CIMIP2A: variants seen among roughly 807,000 people sequenced by gnomAD.
The protein encoded by CIMIP2A is ciliary microtubule inner protein 2A.
chr9:137,245,560 G>A, the CIMIP2A span: 1 of 1,613,594 alleles, frequency 6.2e-7, no homozygotes, highest in Admixed American at 1.7e-5. Flanking sequence ...CTTCAGACCT[G>A]TACCAACAGG....
chr9:137,252,983 G>C, the CIMIP2A span: 40 of 1,584,394 alleles, frequency 2.5e-5, 2 homozygotes, highest in South Asian at 4.6e-4. Flanking sequence ...GGCCTGGAGA[G>C]AAGAGGGCTA....
chr9:137,247,832 T>G, the CIMIP2A span: 2 of 1,006,978 alleles, frequency 2.0e-6, no homozygotes, highest in African/African-American at 3.2e-5. Context: ...GGGCACCTCC[T>G]GGGCCAGGCC....
the CIMIP2A span, among the ~76,000 whole-genome samples, chr9:137,248,664 T>G: frequency 6.6e-6 from 1 of 151,120 alleles, no homozygotes; most frequent in African/African-American, 2.4e-5. Context: ...AGCCTAGGAG[T>G]TCAGGCCAGC....
the CIMIP2A span, chr9:137,252,965 T>C: frequency 6.3e-6 from 10 of 1,592,706 alleles, no homozygotes; most frequent in African/African-American, 1.4e-5. Flanking sequence ...GCTCAGCACC[T>C]GTAAGGAGGC....
chr9:137,250,743 A>C, the CIMIP2A span: 2 of 160,474 alleles, frequency 1.2e-5, no homozygotes, highest in Non-Finnish European at 2.8e-5. Flanking sequence ...GCTGGGCTCC[A>C]AGGCCCGGCC....
the CIMIP2A span, among the ~76,000 whole-genome samples, chr9:137,246,585 A>G: frequency 6.6e-6 from 1 of 151,998 alleles, no homozygotes; most frequent in African/African-American, 2.4e-5. Context: ...AACATGGTGA[A>G]ACCCTGTCTC....
the CIMIP2A span, chr9:137,252,394 G>C: frequency 1.2e-5 from 19 of 1,579,972 alleles, no homozygotes; most frequent in African/African-American, 1.9e-4. Flanking sequence ...CTGTCACCTG[G>C]GTGGGGCTCC....
the CIMIP2A span, chr9:137,251,441 G>A: frequency 1.0e-5 from 15 of 1,451,012 alleles, no homozygotes; most frequent in East Asian, 2.9e-4. Context: ...GCTGGGAGTG[G>A]CCAGGGGGCT....
the CIMIP2A span, chr9:137,243,780 C>T: frequency 3.1e-6 from 5 of 1,613,888 alleles, no homozygotes; most frequent in African/African-American, 2.7e-5. Flanking sequence ...GCGTAGTTGT[C>T]CTGCATGGCT....
the CIMIP2A span, among the ~76,000 whole-genome samples, chr9:137,254,194 G>A: frequency 6.6e-6 from 1 of 152,266 alleles, no homozygotes; most frequent in African/African-American, 2.4e-5. Context: ...AGCTGCTTCT[G>A]TGGCCTCAGC....
the CIMIP2A span, among the ~76,000 whole-genome samples, chr9:137,246,583 G>A: frequency 3.3e-5 from 5 of 152,210 alleles, 1 homozygote; most frequent in South Asian, 1.0e-3. Context: ...CCAACATGGT[G>A]AAACCCTGTC....
the CIMIP2A span, chr9:137,252,035 G>A: frequency 1.2e-6 from 2 of 1,612,734 alleles, no homozygotes; most frequent in Admixed American, 3.3e-5. Context: ...CAGCTGACCT[G>A]GAAGTCCCCA....
At chr9:137,252,897 T>C in the CIMIP2A span, 3 of 1,597,388 alleles carry the variant, frequency 1.9e-6, no homozygotes, top group South Asian at 1.1e-5. Flanking sequence ...GGGAGCCGCC[T>C]GCAGAGCCCC....
At chr9:137,248,087 G>A in the CIMIP2A span, among the ~76,000 whole-genome samples, 1 of 152,242 alleles carries the variant, frequency 6.6e-6, no homozygotes, top group Non-Finnish European at 1.5e-5. Context: ...CTGACAGGAG[G>A]CCTTGCAGCT....
chr9:137,247,833 G>A, the CIMIP2A span: 8 of 996,864 alleles, frequency 8.0e-6, no homozygotes, highest in African/African-American at 1.3e-4. Context: ...GGCACCTCCT[G>A]GGCCAGGCCA....
the CIMIP2A span, chr9:137,251,405 C>A: frequency 1.9e-6 from 3 of 1,568,862 alleles, no homozygotes; most frequent in Non-Finnish European, 2.6e-6. Context: ...CAGTAACTGG[C>A]GGAGAGGGGG....
the CIMIP2A span, among the ~76,000 whole-genome samples, chr9:137,254,678 TGGAGAGGC>T: frequency 6.6e-6 from 1 of 151,776 alleles, no homozygotes; most frequent in Non-Finnish European, 1.5e-5. Context: ...GGCGGCGGGC[TGGAGAGGC>T]GGGGAGGCCC....
the CIMIP2A span, among the ~76,000 whole-genome samples, chr9:137,249,466 T>C: frequency 6.6e-6 from 1 of 152,170 alleles, no homozygotes. Flanking sequence ...CCATAGCCCT[T>C]GGTAGGGCCT....
At chr9:137,244,064 A>C in the CIMIP2A span, 13 of 1,191,934 alleles carry the variant, frequency 1.1e-5, no homozygotes, top group Non-Finnish European at 1.6e-5. Context: ...GACCCTGGTA[A>C]TGGTCAGACA....
Sources: gnomAD v4.1 joint callset for allele counts (sites outside exome capture counted in the v4.1 genomes callset) on GRCh38, gnomAD v4.1.1 for gene constraint, MANE v1.5 for transcripts, NCBI Gene and HGNC (gene_info 2026-07-23, HGNC 2026-07-21) for gene names.